SLF2: variants seen among roughly 807,000 people sequenced by gnomAD.
The protein encoded by SLF2 is SMC5-SMC6 complex localization factor protein 2.
SLF2 carries 68 observed loss-of-function variants against 124.3 expected under a neutral mutation model. The observed-to-expected ratio is 0.55, with a 90% CI of 0.45 to 0.67. SLF2 has a LOEUF of 0.67. Ranked by LOEUF, SLF2 falls within the 30% of genes least tolerant of loss-of-function variation. SLF2 has a pLI of 0.00. For synonymous variants in SLF2, 480 were observed against 478.8 expected (o/e 1.00, Z -0.03); for missense variants, 1,246 against 1,373.7 (o/e 0.91, Z 1.47).
chr10:100,946,042 C>T (rs1850097964), intron 13 of SLF2, among the ~76,000 whole-genome samples: 1 of 152,160 alleles, frequency 6.6e-6, no homozygotes, highest in African/African-American at 2.4e-5. Context: ...AGTTGAACTT[C>T]TGCAACCATA....
intron 17 of SLF2, 94 bp from the exon 18 acceptor site, chr10:100,956,356 AT>A (rs1412733418): frequency 9.0e-6 from 8 of 886,556 alleles, no homozygotes; most frequent in Non-Finnish European, 3.5e-6. Flanking sequence ...GGAATAATAG[AT>A]TTTTAAATGA....
At position 100,962,058 on chromosome 10, in the gene SLF2, T is replaced by G; in HGVS notation, c.*146T>G. On this transcript the variant is annotated 3_prime_UTR_variant, in exon 20 of 20. Transcript: ENST00000238961. ...ACTTGAATATCTAGTATGAAGCTGGTAATGAAGAAATTGCCATTTCTGAAG... is the reference window on the plus strand; with the variant it reads ...ACTTGAATATCTAGTATGAAGCTGGGAATGAAGAAATTGCCATTTCTGAAG... The G allele has an allele frequency of 5.8e-6, 4 of 684,350 alleles. No homozygotes were observed. The highest frequency in any genetic ancestry group is 9.4e-6 in the Non-Finnish European group (4 of 427,704). The allele number at this position is 684,350 out of a possible 1,614,324, so 42.4% of individuals were successfully genotyped here. A position where few individuals can be genotyped will look rare whatever the true frequency, so the allele number is the denominator to read the frequency against.
intron 4 of SLF2, among the ~76,000 whole-genome samples, chr10:100,922,917 A>G (rs553515398): frequency 6.6e-6 from 1 of 151,994 alleles, no homozygotes; most frequent in South Asian, 2.1e-4. Flanking sequence ...CTGGGAGTAC[A>G]GGCACGCACC....
intron 9 of SLF2, among the ~76,000 whole-genome samples, chr10:100,935,910 G>C (rs1237762283): frequency 3.6e-5 from 5 of 138,876 alleles, no homozygotes; most frequent in Non-Finnish European, 1.5e-5. Context: ...CCAGGCTGGA[G>C]TGCAGTGGTG....
chr10:100,913,776 GC>G (rs1849366961), intron 1 of SLF2: 1 of 985,986 alleles, frequency 1.0e-6, no homozygotes, highest in Admixed American at 6.1e-5. Flanking sequence ...GTAACTTCAC[GC>G]CTCTCCAAGA....
At chr10:100,928,080 AG>A (rs1564774120) in intron 6 of SLF2, among the ~76,000 whole-genome samples, 3 of 24,542 alleles carry the variant, frequency 1.2e-4, no homozygotes, top group South Asian at 9.5e-4. Flanking sequence ...AGAGAGAGAC[AG>A]AGAGAGAGAG....
chr10:100,913,485 C>G, intron 1 of SLF2: 5 of 1,270,196 alleles, frequency 3.9e-6, no homozygotes, highest in Non-Finnish European at 4.0e-6. Context: ...TGGACAGCTA[C>G]GGAGAACCCG....
chr10:100,958,385 G>T (rs911241138), intron 18 of SLF2, among the ~76,000 whole-genome samples: 3 of 152,228 alleles, frequency 2.0e-5, no homozygotes, highest in Non-Finnish European at 4.4e-5. Flanking sequence ...CTTTCCCCAA[G>T]AGTAGAACTC....
At chr10:100,952,939 C>G (rs1345251652) in intron 17 of SLF2, among the ~76,000 whole-genome samples, 12 of 152,026 alleles carry the variant, frequency 7.9e-5, no homozygotes, top group Admixed American at 6.5e-4. Context: ...AATTCTGTCT[C>G]AAAAACAAAA....
chr10:100,944,012 T>C lies in SLF2; in HGVS notation c.2655-14T>C. 6.4e-7 allele frequency: 1 copy of C among 1,562,582 alleles called. No homozygotes were observed. The highest frequency in any genetic ancestry group is 8.7e-7 in the Non-Finnish European group (1 of 1,147,540). On this transcript the variant is annotated splice_polypyrimidine_tract_variant and intron_variant, in intron 11 of 19. Transcript: ENST00000238961. Reference sequence around the variant, plus strand: ...TGTGCCTAACTTCACATTGCTTTACTCACTTCTCAATAGTTCTGAAACACA... The same window carrying C: ...TGTGCCTAACTTCACATTGCTTTACCCACTTCTCAATAGTTCTGAAACACA...
chr10:100,945,091 A>T (rs1850077841), intron 12 of SLF2, among the ~76,000 whole-genome samples: 1 of 152,226 alleles, frequency 6.6e-6, no homozygotes, highest in Non-Finnish European at 1.5e-5. Context: ...TAGTTGCTGA[A>T]TTGAATCAGT....
rs1850468086 is a variant in SLF2 at position 100,963,904 on chromosome 10, A to ATT, written c.*1993_*1994dup. On this transcript the variant is annotated 3_prime_UTR_variant, in exon 20 of 20. Coordinates refer to ENST00000238961, the MANE Select transcript of SLF2 (RefSeq NM_018121.4). ...AATAAGAAAAAAATCTCTATTTTTA[A>ATT]TTATATTTCTCCTTTAGAAAAAAAA... The ATT allele has an allele frequency of 6.6e-6, 1 of 152,572 alleles. No homozygotes were observed. Among genetic ancestry groups the ATT allele is most frequent in the Non-Finnish European group, 1.5e-5 (1 of 68,016 alleles). 9.5% of individuals were successfully genotyped at this position (152,572 alleles called of 1,614,324 possible).
At chr10:100,917,368 A>G (rs571587790) in intron 3 of SLF2, 68 bp downstream of exon 3, 2 of 1,471,712 alleles carry the variant, frequency 1.4e-6, no homozygotes, top group South Asian at 2.8e-5. Context: ...AAATTTAAAA[A>G]TATTTAAGAG....
intron 9 of SLF2, among the ~76,000 whole-genome samples, chr10:100,936,676 A>T (rs932222334): frequency 6.6e-6 from 1 of 152,042 alleles, no homozygotes; most frequent in African/African-American, 2.4e-5. Flanking sequence ...TGATCTAGTG[A>T]TATTGAGCAT....
chr10:100,932,716 T>TGCGC (rs1424961653), intron 9 of SLF2, among the ~76,000 whole-genome samples: 2 of 37,210 alleles, frequency 5.4e-5, no homozygotes, highest in African/African-American at 1.8e-4. Context: ...TGTGTGTGTG[T>TGCGC]GTGTGCGCGC....
chr10:100,926,605 C>CAA (rs557928971), intron 6 of SLF2: 27 of 139,066 alleles, frequency 1.9e-4, no homozygotes, highest in Non-Finnish European at 3.4e-4. Context: ...GACCCCGTCT[C>CAA]AAAAAAAAAA....
intron 11 of SLF2, among the ~76,000 whole-genome samples, chr10:100,941,207 A>G (rs1272283387): frequency 6.6e-6 from 1 of 152,122 alleles, no homozygotes; most frequent in Non-Finnish European, 1.5e-5. Context: ...ATGCATATTC[A>G]TCATGGCAAG....
At chr10:100,922,565 T>C (rs1321935921) in intron 4 of SLF2, among the ~76,000 whole-genome samples, 1 of 152,184 alleles carries the variant, frequency 6.6e-6, no homozygotes, top group African/African-American at 2.4e-5. Context: ...GCAGAAAATT[T>C]GATTTAGGGA....
intron 1 of SLF2, 49 bp downstream of exon 1, chr10:100,913,299 A>G (rs776019946): frequency 4.7e-6 from 7 of 1,481,334 alleles, no homozygotes; most frequent in Non-Finnish European, 5.4e-6. Flanking sequence ...GGGCAAGGGT[A>G]TGAGGGGAGG....
Sources: gnomAD v4.1 joint callset for allele counts (sites outside exome capture counted in the v4.1 genomes callset) on GRCh38, gnomAD v4.1.1 for gene constraint, MANE v1.5 for transcripts, NCBI Gene and HGNC (gene_info 2026-07-23, HGNC 2026-07-21) for gene names.